Variants in RBMS3 observed in about 807,000 individuals in gnomAD.
RBMS3 encodes the protein RNA-binding motif, single-stranded-interacting protein 3.
A neutral mutation model predicts 66.8 loss-of-function variants in RBMS3; 27 were observed. The observed-to-expected ratio is 0.40, with a 90% CI of 0.30 to 0.56. The LOEUF is 0.56. RBMS3 is among the 20% of genes least tolerant of loss of function. The pLI, the probability that RBMS3 is intolerant of heterozygous loss-of-function variation, is 0.40. For synonymous variants in RBMS3, 188 were observed against 183.0 expected, an observed-to-expected ratio of 1.03 and a Z score of -0.22; for missense variants, 513 against 549.5, an observed-to-expected ratio of 0.93 and a Z score of 0.66.
At chr3:29,902,085 T>C (rs970937176) in intron 10 of RBMS3, among the ~76,000 whole-genome samples, 4 of 151,816 alleles carry the variant, frequency 2.6e-5, no homozygotes, top group African/African-American at 9.7e-5. Flanking sequence ...AACTTGATGA[T>C]TAACAACATG....
At chr3:29,587,675 G>T (rs1318231252) in intron 4 of RBMS3, among the ~76,000 whole-genome samples, 1 of 151,950 alleles carries the variant, frequency 6.6e-6, no homozygotes, top group South Asian at 2.1e-4. Context: ...CTCTTAGCTG[G>T]GGAGAGCTGA....
chr3:29,891,866 A>G (rs1280969103), intron 8 of RBMS3, among the ~76,000 whole-genome samples: 2 of 151,430 alleles, frequency 1.3e-5, no homozygotes, highest in Admixed American at 1.3e-4. Flanking sequence ...ATCTTGTACT[A>G]TTGTTTTACC....
intron 4 of RBMS3, among the ~76,000 whole-genome samples, chr3:29,649,253 G>A (rs2050056755): frequency 6.6e-6 from 1 of 152,030 alleles, no homozygotes; most frequent in Non-Finnish European, 1.5e-5. Context: ...CTTCTCATCT[G>A]TGCCCATCAT....
intron 4 of RBMS3, among the ~76,000 whole-genome samples, chr3:29,667,720 G>T (rs2050823115): frequency 6.6e-6 from 1 of 152,064 alleles, no homozygotes; most frequent in African/African-American, 2.4e-5. Context: ...AAGAAATGAA[G>T]CACTGACCCA....
chr3:29,602,430 C>A (rs1385114216), intron 4 of RBMS3, among the ~76,000 whole-genome samples: 1 of 151,954 alleles, frequency 6.6e-6, no homozygotes, highest in Non-Finnish European at 1.5e-5. Flanking sequence ...CCAATCCCAG[C>A]CAAATGATTT....
chr3:29,484,977 T>C (rs1432379470), intron 2 of RBMS3, among the ~76,000 whole-genome samples: 1 of 152,224 alleles, frequency 6.6e-6, no homozygotes, highest in Non-Finnish European at 1.5e-5. Flanking sequence ...TTTGAATTAA[T>C]ATACACAGTG....
chr3:29,725,863 G>T (rs1412961088), intron 4 of RBMS3, among the ~76,000 whole-genome samples: 1 of 152,112 alleles, frequency 6.6e-6, no homozygotes, highest in Non-Finnish European at 1.5e-5. Flanking sequence ...ACCCTATGAG[G>T]CCAGCATCAT....
intron 1 of RBMS3, among the ~76,000 whole-genome samples, chr3:29,312,740 T>C (rs1293329457): frequency 6.6e-6 from 1 of 151,280 alleles, no homozygotes; most frequent in Non-Finnish European, 1.5e-5. Flanking sequence ...CATCTGCAAA[T>C]ATAGAGATGA....
chr3:29,978,766 C>T (rs186155843), intron 12 of RBMS3, among the ~76,000 whole-genome samples: 47 of 152,032 alleles, frequency 3.1e-4, no homozygotes, highest in African/African-American at 1.0e-3. Context: ...TAAAAATGAT[C>T]AGAAGGAAGA....
intron 6 of RBMS3, among the ~76,000 whole-genome samples, chr3:29,808,542 C>A (rs1358527593): frequency 6.6e-6 from 1 of 151,892 alleles, no homozygotes; most frequent in South Asian, 2.1e-4. Flanking sequence ...TCCTCCCTGG[C>A]GGGAAGAATT....
chr3:29,695,066 AT>A (rs1268558223), intron 4 of RBMS3, among the ~76,000 whole-genome samples: 11 of 151,876 alleles, frequency 7.2e-5, no homozygotes, highest in Non-Finnish European at 1.2e-4. Context: ...AAGTTTGGCC[AT>A]TTTTTTTAAA....
chr3:29,991,326 G>T, intron 14 of RBMS3, 117 bp downstream of exon 14: 1 of 1,505,846 alleles, frequency 6.6e-7, no homozygotes, highest in South Asian at 1.3e-5. Flanking sequence ...TTAGCAACAG[G>T]CATTTATTTA....
At chr3:29,717,094 G>A (rs376551495) in intron 4 of RBMS3, among the ~76,000 whole-genome samples, 3 of 152,080 alleles carry the variant, frequency 2.0e-5, no homozygotes, top group African/African-American at 7.2e-5. Flanking sequence ...TTGACTGGTA[G>A]CTATGTGATT....
intron 6 of RBMS3, among the ~76,000 whole-genome samples, chr3:29,813,328 GGC>G (rs1454402960): frequency 4.0e-5 from 6 of 151,866 alleles, no homozygotes; most frequent in African/African-American, 1.5e-4. Flanking sequence ...TAAGATTCTT[GGC>G]AAAATAGCTC....
At chr3:29,981,646 G>C (rs1010230384) in intron 12 of RBMS3, among the ~76,000 whole-genome samples, 1 of 152,144 alleles carries the variant, frequency 6.6e-6, no homozygotes, top group Non-Finnish European at 1.5e-5. Flanking sequence ...AAGGGCTATT[G>C]AATTTTGTTG....
intron 6 of RBMS3, among the ~76,000 whole-genome samples, chr3:29,811,693 C>T (rs1003101995): frequency 6.6e-6 from 1 of 152,190 alleles, no homozygotes; most frequent in African/African-American, 2.4e-5. Context: ...AATGCCCACA[C>T]TAAGCAGATG....
intron 3 of RBMS3, among the ~76,000 whole-genome samples, chr3:29,541,065 G>A (rs2045738228): frequency 6.6e-6 from 1 of 152,208 alleles, no homozygotes; most frequent in Admixed American, 6.5e-5. Flanking sequence ...TCACACGGAT[G>A]TGAAGTGGCC....
intron 1 of RBMS3, among the ~76,000 whole-genome samples, chr3:29,403,287 A>G (rs2039886379): frequency 6.6e-6 from 1 of 152,106 alleles, no homozygotes; most frequent in South Asian, 2.1e-4. Context: ...AAGGAAAAAA[A>G]CTGTATGTAA....
chr3:29,443,942 A>G (rs982729512), intron 2 of RBMS3, among the ~76,000 whole-genome samples: 2 of 152,162 alleles, frequency 1.3e-5, no homozygotes, highest in African/African-American at 2.4e-5. Flanking sequence ...GCTGGAGCGA[A>G]TATGGAGCCA....
Sources: allele counts gnomAD v4.1 joint callset (sites outside exome capture counted in the v4.1 genomes callset), GRCh38; gene constraint gnomAD v4.1.1; transcripts MANE v1.5; gene names NCBI Gene and HGNC (gene_info 2026-07-23, HGNC 2026-07-21).